Variants in CFAP96 observed in about 807,000 individuals in gnomAD.
The protein encoded by CFAP96 is cilia and flagella associated protein 96.
the CFAP96 span, among the ~76,000 whole-genome samples, chr4:185,430,645 G>A: frequency 1.3e-5 from 2 of 152,166 alleles, no homozygotes; most frequent in Admixed American, 6.5e-5. Context: ...GCTCACAGCT[G>A]TAATCCCAGC....
chr4:185,408,555 A>G, the CFAP96 span: 2 of 1,049,582 alleles, frequency 1.9e-6, no homozygotes, highest in South Asian at 3.4e-5. Flanking sequence ...GTTCCTTATA[A>G]AAATGCCTTC....
chr4:185,445,310 C>A, the CFAP96 span: 1 of 710,024 alleles, frequency 1.4e-6, no homozygotes, highest in Non-Finnish European at 2.3e-6. Flanking sequence ...AGTTCTCCCC[C>A]ATCTTCTGAA....
chr4:185,432,478 A>G, the CFAP96 span, among the ~76,000 whole-genome samples: 3 of 152,206 alleles, frequency 2.0e-5, no homozygotes, highest in Non-Finnish European at 2.9e-5. Flanking sequence ...ATTTGTTCAA[A>G]AACCTTGCAA....
the CFAP96 span, chr4:185,413,781 C>G: frequency 6.2e-7 from 1 of 1,613,522 alleles, no homozygotes; most frequent in Non-Finnish European, 8.5e-7. Flanking sequence ...TCTAATGTAA[C>G]CATCTTTGTA....
the CFAP96 span, among the ~76,000 whole-genome samples, chr4:185,443,356 T>TTTTTG: frequency 8.8e-6 from 1 of 113,816 alleles, no homozygotes; most frequent in Non-Finnish European, 1.8e-5. Flanking sequence ...TTTTTTTTTT[T>TTTTTG]TTTTTGAGAT....
At chr4:185,411,590 A>G in the CFAP96 span, among the ~76,000 whole-genome samples, 1,249 of 152,340 alleles carry the variant, frequency 8.2e-3, 29 homozygotes, top group East Asian at 0.086. Flanking sequence ...ATGCACATCT[A>G]TATTGTTGAG....
At chr4:185,418,859 A>G in the CFAP96 span, 1 of 1,043,812 alleles carries the variant, frequency 9.6e-7, no homozygotes, top group Non-Finnish European at 1.3e-6. Context: ...GAGCATAGTA[A>G]AACTCTCAAT....
At chr4:185,436,872 C>T in the CFAP96 span, among the ~76,000 whole-genome samples, 182 of 152,212 alleles carry the variant, frequency 1.2e-3, 2 homozygotes, top group Middle Eastern at 3.4e-3. Flanking sequence ...TATATCCTCT[C>T]AGCTCCTTCC....
the CFAP96 span, chr4:185,429,518 A>C: frequency 6.7e-7 from 1 of 1,487,182 alleles, no homozygotes; most frequent in Non-Finnish European, 9.1e-7. Context: ...AATCGTAAGT[A>C]TATTTGCTTT....
At chr4:185,425,988 C>T in the CFAP96 span, 3 of 1,164,290 alleles carry the variant, frequency 2.6e-6, no homozygotes, top group Non-Finnish European at 2.5e-6. Context: ...CTACAACTCC[C>T]GACATGCTCG....
the CFAP96 span, among the ~76,000 whole-genome samples, chr4:185,442,286 TAA>T: frequency 6.6e-6 from 1 of 152,108 alleles, no homozygotes; most frequent in Non-Finnish European, 1.5e-5. Context: ...TTGGATATAT[TAA>T]CATATTTATA....
the CFAP96 span, chr4:185,422,382 A>T: frequency 1.2e-6 from 1 of 836,040 alleles, no homozygotes; most frequent in Non-Finnish European, 1.9e-6. Context: ...ATATAATCTT[A>T]GTTCATCCTA....
chr4:185,426,576 CTCTATTT>C, the CFAP96 span, among the ~76,000 whole-genome samples: 6 of 152,204 alleles, frequency 3.9e-5, no homozygotes, highest in Admixed American at 1.3e-4. Context: ...TTCGGCTATG[CTCTATTT>C]TCTTGTCTAA....
chr4:185,418,415 G>A, the CFAP96 span: 5 of 1,551,672 alleles, frequency 3.2e-6, no homozygotes, highest in African/African-American at 1.4e-5. Context: ...ATTTTTATCA[G>A]TACAGAAGAC....
chr4:185,430,068 C>T, the CFAP96 span, among the ~76,000 whole-genome samples: 2 of 152,130 alleles, frequency 1.3e-5, no homozygotes, highest in Middle Eastern at 3.2e-3. Context: ...TTCAAAGGTG[C>T]CTGGCAGTTT....
At chr4:185,412,065 GTAAAGTTTTGCTTCT>G in the CFAP96 span, among the ~76,000 whole-genome samples, 2 of 151,470 alleles carry the variant, frequency 1.3e-5, no homozygotes, top group East Asian at 3.9e-4. Context: ...GCACAGACTG[GTAAAGTTTTGCTTCT>G]TAAATTAGGG....
At chr4:185,432,904 T>G in the CFAP96 span, among the ~76,000 whole-genome samples, 1 of 151,856 alleles carries the variant, frequency 6.6e-6, no homozygotes, top group Non-Finnish European at 1.5e-5. Flanking sequence ...TTTTTGTTGT[T>G]TTTTGAGACA....
At chr4:185,417,024 G>T in the CFAP96 span, among the ~76,000 whole-genome samples, 1 of 152,136 alleles carries the variant, frequency 6.6e-6, no homozygotes, top group African/African-American at 2.4e-5. Flanking sequence ...CTTCCCACAA[G>T]ATACTAATTA....
At chr4:185,413,659 TA>T in the CFAP96 span, 2 of 1,456,960 alleles carry the variant, frequency 1.4e-6, no homozygotes, top group African/African-American at 2.9e-5. Context: ...TCCTACTGGG[TA>T]CCAACAAAAA....
Sources: allele counts gnomAD v4.1 joint callset (sites outside exome capture counted in the v4.1 genomes callset), GRCh38; gene constraint gnomAD v4.1.1; transcripts MANE v1.5; gene names NCBI Gene and HGNC (gene_info 2026-07-23, HGNC 2026-07-21).